The following RHOXF1 variants were observed in gnomAD, a reference collection of about 807,000 sequenced individuals.
The protein encoded by RHOXF1 is PEPP subfamily gene 1.
Under a neutral mutation model 9.7 loss-of-function variants are expected in RHOXF1, and 1 was observed. The observed-to-expected ratio is 0.10, with a 90% CI of 0.04 to 0.49. The LOEUF (loss-of-function observed/expected upper bound fraction) is 0.49, where lower values mean the gene tolerates loss of function less well. Among genes scored for constraint, RHOXF1 ranks in the 20% least tolerant of loss-of-function variants. The pLI is 0.95. For missense variants in RHOXF1, 179 were observed against 168.0 expected (o/e 1.07, Z -0.36); for synonymous variants, 72 against 70.2 (o/e 1.03, Z -0.13).
At chrX:120,110,069 C>A (rs2057258606) in intron 2 of RHOXF1, among the ~76,000 whole-genome samples, 1 of 111,785 alleles carries the variant, frequency 8.9e-6, no homozygotes, top group Non-Finnish European at 1.9e-5. Flanking sequence ...GGGAGAGTTT[C>A]ATCTTGTTTG....
At chrX:120,113,725 G>A (rs1368985930) in intron 1 of RHOXF1, among the ~76,000 whole-genome samples, 1 of 108,811 alleles carries the variant, frequency 9.2e-6, no homozygotes, top group Non-Finnish European at 1.9e-5. Context: ...TCCCAAAAGC[G>A]CTGGAATTAC....
At position 120,115,700 on chromosome X, in the gene RHOXF1, T is replaced by C. The variant is rs1556000470; in HGVS notation, c.163A>G (p.Asn55Asp). Residue 55 changes from asparagine to aspartate, a missense_variant, in exon 1 of 3, where the codon AAC (asparagine) becomes GAC (aspartate). Transcript: ENST00000217999. ...MGNMNPEGGV[N>D]HENGMNRDGG... Reference sequence around the variant, plus strand: ...TCGCGGTTCATGCCGTTCTCGTGGTTCACACCGCCCTCAGGGTTCATATTA... The same window carrying C: ...TCGCGGTTCATGCCGTTCTCGTGGTCCACACCGCCCTCAGGGTTCATATTA... The C allele has an allele frequency of 5.8e-6, 7 of 1,208,218 alleles. No individual in the cohort carries two copies. In the South Asian group the frequency reaches 1.2e-4, roughly 21 times the overall value.
At position 120,115,652 on chromosome X, in the gene RHOXF1, C is replaced by G; in HGVS notation, c.211G>C (p.Gly71Arg). The change falls in exon 1 of 3, where the codon GGC becomes CGC. Residue 71 changes from glycine (G) to arginine (R), a missense_variant. Gly to Arg is a moderately radical substitution (Grantham distance 125). Transcript: ENST00000217999. ...NRDGGMIPEGGGGNQEPRQQP... is the reference protein window; with the variant it reads ...NRDGGMIPEGRGGNQEPRQQP... ...TGCCGAGGCTCCTGGTTTCCACCGC[C>G]GCCCTCGGGGATCATGCCGCCATCG... 8.4e-7 allele frequency: 1 copy of G among 1,190,903 alleles called. No homozygotes were observed.
intron 2 of RHOXF1, among the ~76,000 whole-genome samples, chrX:120,111,311 G>T (rs1403350547): frequency 4.5e-5 from 5 of 111,531 alleles, no homozygotes; most frequent in African/African-American, 1.6e-4. Context: ...AGGTGTGATT[G>T]TGAGTCCACC....
upstream of RHOXF1, among the ~76,000 whole-genome samples, chrX:120,116,674 A>G (rs1252151401): frequency 1.8e-5 from 2 of 111,058 alleles, no homozygotes; most frequent in Non-Finnish European, 3.8e-5. Flanking sequence ...CTGAAAGCAG[A>G]GCTGCCATGC....
intron 2 of RHOXF1, among the ~76,000 whole-genome samples, chrX:120,112,496 C>CACATATGTGTATTATATATTAT (rs2057273159): frequency 1.1e-4 from 8 of 72,889 alleles, no homozygotes; most frequent in African/African-American, 4.3e-4. Flanking sequence ...ATATATAATA[C>CACATATGTGTATTATATATTAT]ACATATATGT....
intron 2 of RHOXF1, among the ~76,000 whole-genome samples, chrX:120,110,916 A>C (rs2057262153): frequency 8.9e-6 from 1 of 111,941 alleles, no homozygotes; most frequent in South Asian, 3.7e-4. Context: ...GGGAGCTTTC[A>C]AGTGTACCAC....
intron 1 of RHOXF1, among the ~76,000 whole-genome samples, chrX:120,114,210 G>A (rs1556000238): frequency 3.6e-5 from 4 of 110,917 alleles, no homozygotes; most frequent in African/African-American, 1.3e-4. Flanking sequence ...CACTGTAGTT[G>A]CATGACAGTA....
rs2057273620 is a variant in RHOXF1, at chrX:120,112,509, T to TATATATTACACATATATGTATA, written c.444+359_444+360insTATACATATATGTGTAATATAT. ...TTATATATAATACACATATATGTAT[T>TATATATTACACATATATGTATA]ATATATAATACACATATGTATTATA... is the stretch of plus-strand genomic sequence containing the variant. On this transcript the variant is annotated intron_variant, in intron 2 of 2. Transcript: ENST00000217999. Among the ~76,000 whole-genome samples, 131 of 63,702 alleles carry TATATATTACACATATATGTATA rather than the reference T, an allele frequency of 2.1e-3. 13 individuals carry two copies. Among genetic ancestry groups the TATATATTACACATATATGTATA allele is most frequent in the Middle Eastern group, 0.017 (2 of 116 alleles). 55.3% of individuals were successfully genotyped at this position (63,702 alleles called of 115,157 possible).
upstream of RHOXF1, among the ~76,000 whole-genome samples, chrX:120,120,017 A>C (rs963033566): frequency 3.6e-5 from 4 of 111,072 alleles, no homozygotes; most frequent in Non-Finnish European, 7.5e-5. Flanking sequence ...AGGAAAAAAT[A>C]CGGTAGACCA....
intron 1 of RHOXF1, among the ~76,000 whole-genome samples, chrX:120,113,168 G>A (rs948312767): frequency 1.8e-5 from 2 of 110,172 alleles, no homozygotes; most frequent in African/African-American, 3.3e-5. Context: ...TTGAGACAAG[G>A]TCTCACTCTG....
chrX:120,117,948 G>C (rs1305762517), upstream of RHOXF1: 1 of 111,536 alleles, frequency 9.0e-6, no homozygotes, highest in Non-Finnish European at 1.9e-5. Context: ...CTCGATCATA[G>C]GGTTTTCATG....
chrX:120,115,372 G>T, intron 1 of RHOXF1, 93 bp downstream of exon 1: 1 of 790,347 alleles, frequency 1.3e-6, no homozygotes, highest in Non-Finnish European at 1.7e-6. Context: ...ACCCCCAGTG[G>T]CTTTTTCCTC....
rs1295911130 is a variant in RHOXF1 at position 120,115,608 on chromosome X, C to T, written c.255G>A (p.Pro85=). 5.2e-6 allele frequency: 6 copies of T among 1,162,184 alleles called. No homozygotes were observed. In the South Asian group the frequency reaches 8.0e-5, roughly 16 times the overall value. Residue 85 remains proline, a synonymous_variant, in exon 1 of 3, where the codon CCG becomes CCA. Transcript: ENST00000217999. The part of the protein sequence containing the change: ...QEPRQQPQPP[P]EEPAQAAMEG... ...CCATGGCCGCCTGGGCCGGCTCCTCCGGCGGGGGCTGCGGCTGCTGCCGAG... is the reference window on the plus strand; with the variant it reads ...CCATGGCCGCCTGGGCCGGCTCCTCTGGCGGGGGCTGCGGCTGCTGCCGAG...
chrX:120,112,740 A>T (rs1015440469), intron 2 of RHOXF1, 129 bp downstream of exon 2: 3 of 415,163 alleles, frequency 7.2e-6, no homozygotes, highest in Non-Finnish European at 8.1e-6. Context: ...CTTATTTGTC[A>T]ACATAAAAAA....
At chrX:120,110,619 G>A (rs1381728355) in intron 2 of RHOXF1, among the ~76,000 whole-genome samples, 1 of 111,825 alleles carries the variant, frequency 8.9e-6, no homozygotes, top group East Asian at 2.8e-4. Context: ...TAACATCAAT[G>A]TGGGGGAAGG....
chrX:120,118,059 G>A (rs1429029484), upstream of RHOXF1: 2 of 112,619 alleles, frequency 1.8e-5, no homozygotes, highest in African/African-American at 6.5e-5. Flanking sequence ...TAGAAAGAAA[G>A]TGGCTTTATT....
chrX:120,120,384 C>A (rs898731990), upstream of RHOXF1: 4 of 111,738 alleles, frequency 3.6e-5, no homozygotes, highest in Non-Finnish European at 7.5e-5. Context: ...GTGCCACTGT[C>A]GCGGCCAGAG....
chrX:120,120,205 T>C (rs2057311227), upstream of RHOXF1, among the ~76,000 whole-genome samples: 1 of 111,472 alleles, frequency 9.0e-6, no homozygotes, highest in African/African-American at 3.3e-5. Flanking sequence ...AGCATAAGAT[T>C]GGGATTTTAT....
Sources: allele counts gnomAD v4.1 joint callset (sites outside exome capture counted in the v4.1 genomes callset), GRCh38; gene constraint gnomAD v4.1.1; transcripts MANE v1.5; gene names NCBI Gene and HGNC (gene_info 2026-07-23, HGNC 2026-07-21).